Variants in SLC24A2 observed in about 807,000 individuals in gnomAD.
SLC24A2 encodes sodium/potassium/calcium exchanger 2.
A neutral mutation model predicts 62.0 loss-of-function variants in SLC24A2; 36 were observed. The observed-to-expected ratio is 0.58, with a 90% CI of 0.44 to 0.77. SLC24A2 has a LOEUF of 0.77. Ranked by LOEUF, SLC24A2 falls within the 30% of genes least tolerant of loss-of-function variation. The probability of loss-of-function intolerance (pLI) is 0.00; values close to 1 mark genes in which losing one functional copy is unlikely to be tolerated. For synonymous variants in SLC24A2, 358 were observed against 294.0 expected (o/e 1.22, Z -2.23); for missense variants, 846 against 817.9 (o/e 1.03, Z -0.42).
chr9:19,973,252 C>A, the SLC24A2 span, among the ~76,000 whole-genome samples: 1 of 152,228 alleles, frequency 6.6e-6, no homozygotes, highest in Non-Finnish European at 1.5e-5. Flanking sequence ...AATGCCATGG[C>A]ATTTATCCGG....
chr9:19,857,258 C>T, the SLC24A2 span, among the ~76,000 whole-genome samples: 512 of 152,322 alleles, frequency 3.4e-3, 1 homozygote, highest in African/African-American at 0.012. Context: ...TATTACATCT[C>T]CTATTACTGA....
the SLC24A2 span, among the ~76,000 whole-genome samples, chr9:19,815,504 C>T: frequency 6.6e-6 from 1 of 152,096 alleles, no homozygotes; most frequent in Non-Finnish European, 1.5e-5. Flanking sequence ...TTTGAGTGCT[C>T]ATATCCTTTT....
At chr9:19,809,457 G>A in the SLC24A2 span, among the ~76,000 whole-genome samples, 2 of 152,180 alleles carry the variant, frequency 1.3e-5, no homozygotes, top group African/African-American at 4.8e-5. Flanking sequence ...TACGTAGGCA[G>A]ATAGTGAGGG....
chr9:20,190,993 C>T, the SLC24A2 span, among the ~76,000 whole-genome samples: 17 of 152,194 alleles, frequency 1.1e-4, no homozygotes, highest in Admixed American at 6.5e-4. Flanking sequence ...TGCTCTCTAA[C>T]AGCAATTTCC....
chr9:19,782,679 T>C (rs1217776025), intron 2 of SLC24A2, among the ~76,000 whole-genome samples: 1 of 152,196 alleles, frequency 6.6e-6, no homozygotes, highest in East Asian at 1.9e-4. Flanking sequence ...CATTTTTCAC[T>C]TAAGAATGAA....
chr9:20,100,310 C>A, the SLC24A2 span, among the ~76,000 whole-genome samples: 1 of 152,156 alleles, frequency 6.6e-6, no homozygotes, highest in Non-Finnish European at 1.5e-5. Context: ...ATACACCCAC[C>A]TTGGCCTTCC....
At chr9:20,207,437 T>G in the SLC24A2 span, among the ~76,000 whole-genome samples, 1 of 152,206 alleles carries the variant, frequency 6.6e-6, no homozygotes, top group Non-Finnish European at 1.5e-5. Context: ...ACTCACACAC[T>G]CTATACAGGT....
At chr9:20,263,735 G>A in the SLC24A2 span, among the ~76,000 whole-genome samples, 4 of 151,950 alleles carry the variant, frequency 2.6e-5, no homozygotes, top group Non-Finnish European at 2.9e-5. Context: ...TATAGTATGT[G>A]TTCCTTTTGG....
chr9:19,948,825 A>G, the SLC24A2 span, among the ~76,000 whole-genome samples: 2 of 136,746 alleles, frequency 1.5e-5, no homozygotes, highest in African/African-American at 5.4e-5. Flanking sequence ...CGCCTGGGCA[A>G]CAGAACGAGA....
chr9:20,064,247 T>G, the SLC24A2 span, among the ~76,000 whole-genome samples: 1 of 152,190 alleles, frequency 6.6e-6, no homozygotes, highest in Non-Finnish European at 1.5e-5. Context: ...TGATTCCATT[T>G]ATAGGAAATG....
At chr9:20,000,380 C>A in the SLC24A2 span, among the ~76,000 whole-genome samples, 1 of 152,138 alleles carries the variant, frequency 6.6e-6, no homozygotes, top group African/African-American at 2.4e-5. Context: ...AGGTTGGATC[C>A]AGACTGCCCT....
At chr9:19,841,464 G>T in the SLC24A2 span, among the ~76,000 whole-genome samples, 1 of 152,190 alleles carries the variant, frequency 6.6e-6, no homozygotes, top group Non-Finnish European at 1.5e-5. Flanking sequence ...TTTTCAATGT[G>T]CATAGGTGAA....
the SLC24A2 span, among the ~76,000 whole-genome samples, chr9:20,082,812 T>C: frequency 6.6e-6 from 1 of 152,184 alleles, no homozygotes; most frequent in African/African-American, 2.4e-5. Context: ...TATGTGCAAT[T>C]TACCACAGGA....
chr9:20,028,316 T>A, the SLC24A2 span, among the ~76,000 whole-genome samples: 1 of 152,210 alleles, frequency 6.6e-6, no homozygotes, highest in Non-Finnish European at 1.5e-5. Context: ...TTAAGGATGG[T>A]AATGCATTAG....
chr9:19,894,528 A>G, the SLC24A2 span, among the ~76,000 whole-genome samples: 3 of 152,260 alleles, frequency 2.0e-5, no homozygotes, highest in East Asian at 5.8e-4. Context: ...TATCTCTAGC[A>G]TAATGTCTAG....
chr9:19,643,259 C>T (rs1273708728), intron 2 of SLC24A2, among the ~76,000 whole-genome samples: 9 of 152,066 alleles, frequency 5.9e-5, no homozygotes, highest in Non-Finnish European at 1.3e-4. Context: ...AAAACTATTA[C>T]GTATAATCTC....
chr9:19,841,057 C>T, the SLC24A2 span, among the ~76,000 whole-genome samples: 1 of 151,948 alleles, frequency 6.6e-6, no homozygotes, highest in Non-Finnish European at 1.5e-5. Context: ...TCACCATTGG[C>T]TTAAATGAAC....
intron 4 of SLC24A2, among the ~76,000 whole-genome samples, chr9:19,615,213 C>T (rs1817733431): frequency 6.6e-6 from 1 of 152,198 alleles, no homozygotes; most frequent in African/African-American, 2.4e-5. Flanking sequence ...CTAGATGCTG[C>T]TTTCAAATGA....
At chr9:20,123,157 T>C in the SLC24A2 span, among the ~76,000 whole-genome samples, 97 of 152,264 alleles carry the variant, frequency 6.4e-4, no homozygotes, top group African/African-American at 2.2e-3. Flanking sequence ...ACCTCCTGTC[T>C]GGTCATAGAT....
Sources: gnomAD v4.1 joint callset for allele counts (sites outside exome capture counted in the v4.1 genomes callset) on GRCh38, gnomAD v4.1.1 for gene constraint, MANE v1.5 for transcripts, NCBI Gene and HGNC (gene_info 2026-07-23, HGNC 2026-07-21) for gene names.